The following PADI3 variants were observed in gnomAD, a reference collection of about 807,000 sequenced individuals.
PADI3 encodes the protein peptidyl arginine deiminase 3.
In PADI3, 53 loss-of-function variants were observed where a neutral mutation model predicts 71.5. The ratio of observed to expected loss-of-function variants is 0.74; its 90% CI spans 0.59 to 0.93. PADI3 has a LOEUF of 0.93. Among genes scored for constraint, PADI3 ranks in the 40% least tolerant of loss-of-function variants. The pLI is 0.00. For missense variants in PADI3, 821 were observed against 868.0 expected (o/e 0.95, Z 0.68); for synonymous variants, 361 against 347.5 (o/e 1.04, Z -0.43).
At chr1:17,260,197 AGG>A (rs1557500663) in intron 2 of PADI3, among the ~76,000 whole-genome samples, 1 of 152,050 alleles carries the variant, frequency 6.6e-6, no homozygotes, top group African/African-American at 2.4e-5. Context: ...GGGACAGGGG[AGG>A]GACACCGGTG....
intron 1 of PADI3, among the ~76,000 whole-genome samples, chr1:17,250,166 A>C (rs2072947874): frequency 6.6e-6 from 1 of 152,108 alleles, no homozygotes; most frequent in South Asian, 2.1e-4. Flanking sequence ...GCTTGGAGGT[A>C]ATCAGGATAC....
intron 15 of PADI3, 70 bp downstream of exon 15, chr1:17,280,866 G>T: frequency 6.4e-7 from 1 of 1,573,278 alleles, no homozygotes; most frequent in Non-Finnish European, 8.7e-7. Context: ...GAGGAAAAAT[G>T]TCTGGTCACA....
chr1:17,271,849 AAAAAAAGAG>A (rs1315875768), intron 9 of PADI3, among the ~76,000 whole-genome samples: 4 of 146,962 alleles, frequency 2.7e-5, no homozygotes, highest in African/African-American at 7.6e-5. Flanking sequence ...AAAAAAAAAA[AAAAAAAGAG>A]AGAGAGAGAG....
chr1:17,252,325 C>T (rs1210165458), intron 1 of PADI3, among the ~76,000 whole-genome samples: 2 of 151,926 alleles, frequency 1.3e-5, no homozygotes, highest in Admixed American at 1.3e-4. Context: ...ACAGCTCTTT[C>T]TCAAGGCTCA....
chr1:17,282,724 A>C, intron 15 of PADI3, 122 bp from the exon 16 acceptor site: 1 of 724,164 alleles, frequency 1.4e-6, no homozygotes, highest in South Asian at 1.9e-5. Context: ...TTCTCATTGC[A>C]CAGGAAAGGG....
rs749300560 is a variant in PADI3 at position 17,282,838 on chromosome 1, G to A, written c.1762-8G>A. The stretch of plus-strand genomic sequence containing the variant: ...GTGATGAAGTGCTGCTTCCCCTTTG[G>A]ACTGCAGGTGAACATGCTGGTGCTG... On this transcript the variant is annotated splice_polypyrimidine_tract_variant and splice_region_variant and intron_variant, in intron 15 of 15. Transcript: ENST00000375460. The A allele has an allele frequency of 6.2e-7, 1 of 1,601,278 alleles. No homozygotes were observed. The highest frequency in any genetic ancestry group is 1.3e-5 in the African/African-American group (1 of 74,776).
At chr1:17,266,666 A>G in intron 4 of PADI3, 53 bp from the exon 5 acceptor site, 1 of 1,469,662 alleles carries the variant, frequency 6.8e-7, no homozygotes, top group East Asian at 2.3e-5. Context: ...CTGGGTAGGG[A>G]GGCACAGGTC....
At chr1:17,254,596 T>C (rs1327023742) in intron 1 of PADI3, among the ~76,000 whole-genome samples, 2 of 152,016 alleles carry the variant, frequency 1.3e-5, no homozygotes, top group Non-Finnish European at 2.9e-5. Flanking sequence ...TATGTGGCTG[T>C]GGGGGATACC....
intron 4 of PADI3, among the ~76,000 whole-genome samples, chr1:17,266,147 A>G (rs533116672): frequency 1.2e-4 from 18 of 152,342 alleles, no homozygotes; most frequent in Non-Finnish European, 2.1e-4. Flanking sequence ...TATTTATACA[A>G]ACAGGCAGTA....
chr1:17,257,932 G>A (rs1322578338), intron 1 of PADI3, among the ~76,000 whole-genome samples: 1 of 152,036 alleles, frequency 6.6e-6, no homozygotes, highest in Non-Finnish European at 1.5e-5. Context: ...TGCAGAGGCT[G>A]GGGGCTTTTT....
At chr1:17,260,006 C>T (rs2073083999) in intron 2 of PADI3, among the ~76,000 whole-genome samples, 1 of 152,156 alleles carries the variant, frequency 6.6e-6, no homozygotes, top group Non-Finnish European at 1.5e-5. Flanking sequence ...TAATCATAAC[C>T]CCTGTCTCCT....
chr1:17,276,675 G>C lies in PADI3; in HGVS notation c.1452+12G>C. On this transcript the variant is annotated intron_variant, in intron 12 of 15. Coordinates refer to ENST00000375460, the MANE Select transcript of PADI3 (RefSeq NM_016233.2). ...CCCCCGATGGGAAGGTAAGAACTTC[G>C]TGCATGACGTGTCTTTCCCTGGCAT... is the stretch of plus-strand genomic sequence containing the variant. 2 of 1,613,908 alleles carry C rather than the reference G, an allele frequency of 1.2e-6. No individual in the cohort carries two copies. The highest frequency in any genetic ancestry group is 2.2e-5 in the South Asian group (2 of 91,050).
chr1:17,252,292 C>G (rs1170907362), intron 1 of PADI3, among the ~76,000 whole-genome samples: 1 of 152,120 alleles, frequency 6.6e-6, no homozygotes, highest in Non-Finnish European at 1.5e-5. Flanking sequence ...GTTCCACAGC[C>G]CAGGTGGTTT....
At chr1:17,270,735 G>A in intron 7 of PADI3, 144 bp from the exon 8 acceptor site, 1 of 660,250 alleles carries the variant, frequency 1.5e-6, no homozygotes, top group Non-Finnish European at 2.7e-6. Context: ...AAAGACCCCA[G>A]ACTTCTTGAC....
intron 5 of PADI3, 67 bp from the exon 6 acceptor site, chr1:17,267,770 G>T (rs1557505732): frequency 6.3e-7 from 1 of 1,586,666 alleles, no homozygotes; most frequent in Non-Finnish European, 8.6e-7. Flanking sequence ...GAGGGAGCTG[G>T]GCAGCAGAGG....
intron 10 of PADI3, among the ~76,000 whole-genome samples, chr1:17,274,033 G>T (rs2073291701): frequency 6.6e-6 from 1 of 152,216 alleles, no homozygotes; most frequent in African/African-American, 2.4e-5. Flanking sequence ...GGAAGGTGAT[G>T]ATTGCTAACG....
At chr1:17,271,676 GTC>G (rs1447532382) in intron 9 of PADI3, among the ~76,000 whole-genome samples, 2 of 151,794 alleles carry the variant, frequency 1.3e-5, no homozygotes, top group African/African-American at 2.4e-5. Flanking sequence ...GTGAAACCCT[GTC>G]TCTGCAAAAA....
rs111468256 is a variant in PADI3 at position 17,277,888 on chromosome 1, C to T, written c.1555+1012C>T. Reference sequence around the variant, plus strand: ...CCAGAGGCCACAATACTCTGGAGGTCGCCCATTTGCCTTGGCTTGGGGTGG... The same window carrying T: ...CCAGAGGCCACAATACTCTGGAGGTTGCCCATTTGCCTTGGCTTGGGGTGG... On this transcript the variant is annotated intron_variant, in intron 13 of 15. Coordinates refer to ENST00000375460, the MANE Select transcript of PADI3 (RefSeq NM_016233.2). 8 of 154,488 alleles carry T rather than the reference C, an allele frequency of 5.2e-5. No homozygotes were observed. The Middle Eastern group carries it at 2.6e-3, about 50-fold the overall frequency. The allele number at this position is 154,488 out of a possible 1,614,324, so 9.6% of individuals were successfully genotyped here. A position where few individuals can be genotyped will look rare whatever the true frequency, so the allele number is the denominator to read the frequency against.
rs763202755 is a variant in PADI3, at chr1:17,266,786, C to G, written c.476C>G (p.Pro159Arg). 1.4e-5 allele frequency: 23 copies of G among 1,614,100 alleles called. No individual in the cohort carries two copies. In the East Asian group the frequency reaches 4.7e-4, roughly 33 times the overall value. ...ILLVNCDRDD[P>R]SCDVQDNCDQ... ...CTGGTGAACTGTGACCGTGATGATC[C>G]GAGCTGTGATGTCCAGGACAATTGT... is the stretch of plus-strand genomic sequence containing the variant. The change falls in exon 5 of 16, where the codon CCG (proline) becomes CGG (arginine). Residue 159 changes from proline (P) to arginine (R), a missense_variant. By Grantham distance (103) the Pro-to-Arg change is moderately radical. Transcript: ENST00000375460.
Sources: allele counts gnomAD v4.1 joint callset (sites outside exome capture counted in the v4.1 genomes callset), GRCh38; gene constraint gnomAD v4.1.1; transcripts MANE v1.5; gene names NCBI Gene and HGNC (gene_info 2026-07-23, HGNC 2026-07-21).